MIS18A: variants seen among roughly 807,000 people sequenced by gnomAD.
MIS18A encodes the protein protein Mis18-alpha.
In MIS18A, 14 loss-of-function variants were observed where a neutral mutation model predicts 25.0. That is an observed-to-expected ratio of 0.56 (90% CI 0.37 to 0.88). The LOEUF (loss-of-function observed/expected upper bound fraction) is 0.88. MIS18A is among the 40% of genes least tolerant of loss of function. MIS18A has a pLI of 0.00. For missense variants in MIS18A, 292 were observed against 290.8 expected, an observed-to-expected ratio of 1.00 and a Z score of -0.03; for synonymous variants, 134 against 118.6, an observed-to-expected ratio of 1.13 and a Z score of -0.84.
the MIS18A span, among the ~76,000 whole-genome samples, chr21:32,190,935 A>T: frequency 6.6e-6 from 1 of 152,216 alleles, no homozygotes; most frequent in African/African-American, 2.4e-5. Context: ...TGTCATACAT[A>T]CATTCCCCCA....
the MIS18A span, among the ~76,000 whole-genome samples, chr21:32,242,342 T>C: frequency 6.6e-6 from 1 of 152,258 alleles, no homozygotes; most frequent in Admixed American, 6.5e-5. Context: ...CAGTGCCTGT[T>C]TCCTCATCAT....
At chr21:32,192,213 GA>G in the MIS18A span, among the ~76,000 whole-genome samples, 1 of 152,250 alleles carries the variant, frequency 6.6e-6, no homozygotes, top group South Asian at 2.1e-4. Context: ...GCAGCCCCAG[GA>G]CAGGACAAGC....
At chr21:32,167,799 G>T in the MIS18A span, among the ~76,000 whole-genome samples, 1 of 152,166 alleles carries the variant, frequency 6.6e-6, no homozygotes, top group Non-Finnish European at 1.5e-5. Flanking sequence ...ATATTAAACT[G>T]TCAGAAGCCA....
the MIS18A span, among the ~76,000 whole-genome samples, chr21:32,166,437 G>A: frequency 6.6e-6 from 1 of 152,306 alleles, no homozygotes; most frequent in South Asian, 2.1e-4. Context: ...GGCTGGGACA[G>A]GGAAAATGCA....
At chr21:32,164,780 T>G in the MIS18A span, among the ~76,000 whole-genome samples, 1 of 151,970 alleles carries the variant, frequency 6.6e-6, no homozygotes. Context: ...TTAAAAAAAG[T>G]CAGGGGGTTG....
chr21:32,215,481 C>A, the MIS18A span, among the ~76,000 whole-genome samples: 1 of 152,074 alleles, frequency 6.6e-6, no homozygotes, highest in Non-Finnish European at 1.5e-5. Context: ...GGGGTAGGAA[C>A]GCGAGGTAAG....
chr21:32,204,171 G>T, the MIS18A span, among the ~76,000 whole-genome samples: 2 of 152,090 alleles, frequency 1.3e-5, no homozygotes, highest in Non-Finnish European at 2.9e-5. Context: ...TGCTGATGGA[G>T]CAATTAGAGG....
At chr21:32,181,353 G>A in the MIS18A span, among the ~76,000 whole-genome samples, 1 of 152,058 alleles carries the variant, frequency 6.6e-6, no homozygotes, top group South Asian at 2.1e-4. Flanking sequence ...CTCCATAATC[G>A]CATGAGCCAA....
chr21:32,157,802 G>A, the MIS18A span, among the ~76,000 whole-genome samples: 42 of 151,698 alleles, frequency 2.8e-4, no homozygotes, highest in South Asian at 1.0e-3. Context: ...TTTGAGAATT[G>A]ATACTATGTT....
At chr21:32,169,142 G>T in the MIS18A span, among the ~76,000 whole-genome samples, 3 of 151,792 alleles carry the variant, frequency 2.0e-5, no homozygotes, top group Non-Finnish European at 4.4e-5. Context: ...AACTTGCCCT[G>T]GTCCCACCCC....
chr21:32,192,377 A>G, the MIS18A span, among the ~76,000 whole-genome samples: 1 of 152,076 alleles, frequency 6.6e-6, no homozygotes, highest in African/African-American at 2.4e-5. Flanking sequence ...CTCAGGAACA[A>G]TGTCACTGAG....
chr21:32,177,704 G>T, the MIS18A span, among the ~76,000 whole-genome samples: 2 of 151,548 alleles, frequency 1.3e-5, no homozygotes, highest in South Asian at 4.2e-4. Context: ...CAGAATCGTG[G>T]GAATAAACCC....
chr21:32,230,978 T>C, the MIS18A span, among the ~76,000 whole-genome samples: 2 of 152,070 alleles, frequency 1.3e-5, no homozygotes, highest in African/African-American at 4.8e-5. Context: ...CTCATGTCTG[T>C]AATCCTAGCA....
chr21:32,237,620 G>T, the MIS18A span, among the ~76,000 whole-genome samples: 1 of 152,158 alleles, frequency 6.6e-6, no homozygotes, highest in Non-Finnish European at 1.5e-5. Context: ...TGGGTAACTG[G>T]TATTTGAAAC....
At chr21:32,184,775 C>T in the MIS18A span, among the ~76,000 whole-genome samples, 1 of 152,152 alleles carries the variant, frequency 6.6e-6, no homozygotes, top group Non-Finnish European at 1.5e-5. Context: ...GTCCCTGTAG[C>T]ATCATGCACT....
chr21:32,165,279 G>A, the MIS18A span, among the ~76,000 whole-genome samples: 1 of 152,018 alleles, frequency 6.6e-6, no homozygotes, highest in Non-Finnish European at 1.5e-5. Flanking sequence ...AGCAGAGATG[G>A]CGCCACCGCA....
downstream of MIS18A, among the ~76,000 whole-genome samples, chr21:32,264,405 A>G (rs528347674): frequency 6.6e-6 from 1 of 152,350 alleles, no homozygotes; most frequent in South Asian, 2.1e-4. Flanking sequence ...TTATGTATAG[A>G]CTGGCTACAA....
chr21:32,220,048 T>C, the MIS18A span, among the ~76,000 whole-genome samples: 4 of 152,182 alleles, frequency 2.6e-5, no homozygotes, highest in Admixed American at 6.5e-5. Context: ...TGTGGGTGCA[T>C]CTTCAGCAGA....
the MIS18A span, among the ~76,000 whole-genome samples, chr21:32,219,451 A>G: frequency 6.6e-6 from 1 of 152,194 alleles, no homozygotes; most frequent in Admixed American, 6.5e-5. Flanking sequence ...CAGCCCAGAT[A>G]CTATGCTTTT....
Sources: gnomAD v4.1 joint callset for allele counts (sites outside exome capture counted in the v4.1 genomes callset) on GRCh38, gnomAD v4.1.1 for gene constraint, MANE v1.5 for transcripts, NCBI Gene and HGNC (gene_info 2026-07-23, HGNC 2026-07-21) for gene names.